FHIT: variants seen among roughly 807,000 people sequenced by gnomAD.
FHIT encodes fragile histidine triad diadenosine triphosphatase.
In FHIT, 19 loss-of-function variants were observed where a neutral mutation model predicts 17.9. The ratio of observed to expected loss-of-function variants is 1.06; its 90% CI spans 0.74 to 1.56. FHIT has a LOEUF of 1.56. Ranked by LOEUF, FHIT falls within the 40% of genes most tolerant of loss-of-function variation. The pLI is 0.00. For synonymous variants in FHIT, 81 were observed against 69.7 expected, an observed-to-expected ratio of 1.16 and a Z score of -0.81; for missense variants, 248 against 189.2, an observed-to-expected ratio of 1.31 and a Z score of -1.82.
At chr3:60,311,183 C>T (rs1281866898) in intron 5 of FHIT, among the ~76,000 whole-genome samples, 1 of 151,984 alleles carries the variant, frequency 6.6e-6, no homozygotes, top group Non-Finnish European at 1.5e-5. Context: ...TAACCTCAAA[C>T]ATTACTTTGT....
chr3:60,642,611 T>A (rs1253928595), intron 4 of FHIT, among the ~76,000 whole-genome samples: 1 of 152,190 alleles, frequency 6.6e-6, no homozygotes, highest in Admixed American at 6.5e-5. Flanking sequence ...AGAAATGTGG[T>A]TGCATTTTCC....
chr3:59,908,853 T>TTTTTTTTTTTTTTTTTTTG (rs1271629999), intron 8 of FHIT, among the ~76,000 whole-genome samples: 188 of 150,724 alleles, frequency 1.2e-3, no homozygotes, highest in Non-Finnish European at 1.5e-3. Flanking sequence ...CATTTTTTAA[T>TTTTTTTTTTTTTTTTTTTG]AGTCCAACTG....
intron 5 of FHIT, among the ~76,000 whole-genome samples, chr3:60,062,043 G>A (rs1240890698): frequency 6.6e-6 from 1 of 152,186 alleles, no homozygotes; most frequent in Non-Finnish European, 1.5e-5. Flanking sequence ...GGCAGCTGGG[G>A]AAGAAATGAA....
chr3:60,321,105 C>G (rs988678504), intron 5 of FHIT, among the ~76,000 whole-genome samples: 1 of 152,140 alleles, frequency 6.6e-6, no homozygotes, highest in Non-Finnish European at 1.5e-5. Context: ...TCAGGGACTC[C>G]CCAACTCTAA....
At chr3:60,072,884 G>T (rs144336403) in intron 5 of FHIT, among the ~76,000 whole-genome samples, 2 of 152,110 alleles carry the variant, frequency 1.3e-5, no homozygotes, top group African/African-American at 2.4e-5. Flanking sequence ...TGTTTGAAGG[G>T]AGAGATTCAA....
At chr3:61,018,576 T>A (rs554645694) in intron 3 of FHIT, among the ~76,000 whole-genome samples, 1 of 152,190 alleles carries the variant, frequency 6.6e-6, no homozygotes, top group Non-Finnish European at 1.5e-5. Flanking sequence ...AGTAACAGCC[T>A]GTGCAGAACA....
intron 5 of FHIT, among the ~76,000 whole-genome samples, chr3:60,314,188 C>A (rs1709068452): frequency 6.6e-6 from 1 of 152,098 alleles, no homozygotes; most frequent in Non-Finnish European, 1.5e-5. Flanking sequence ...TAATACAGAT[C>A]TTTACAAAGA....
chr3:60,533,484 C>A (rs969466576), intron 5 of FHIT, among the ~76,000 whole-genome samples: 1 of 152,200 alleles, frequency 6.6e-6, no homozygotes, highest in African/African-American at 2.4e-5. Context: ...ATGAGGCAGA[C>A]TGGGCTGTGT....
At chr3:59,875,827 T>C (rs1031991681) in intron 8 of FHIT, among the ~76,000 whole-genome samples, 1 of 152,132 alleles carries the variant, frequency 6.6e-6, no homozygotes, top group Non-Finnish European at 1.5e-5. Context: ...CATATTCATA[T>C]GGATTCATAT....
At chr3:60,055,835 C>T (rs991871878) in intron 5 of FHIT, among the ~76,000 whole-genome samples, 3 of 152,128 alleles carry the variant, frequency 2.0e-5, no homozygotes, top group African/African-American at 7.2e-5. Context: ...ACACTCACTC[C>T]CCACTCCCAC....
chr3:60,879,920 C>T (rs1016781475), intron 3 of FHIT, among the ~76,000 whole-genome samples: 13 of 151,072 alleles, frequency 8.6e-5, no homozygotes, highest in African/African-American at 2.9e-4. Context: ...AACAAATTTT[C>T]ATATTATGGC....
At chr3:60,013,225 G>T (rs1298649931) in intron 6 of FHIT, among the ~76,000 whole-genome samples, 1 of 152,234 alleles carries the variant, frequency 6.6e-6, no homozygotes, top group Non-Finnish European at 1.5e-5. Context: ...AGGGGAGGAA[G>T]AATGGCAAAC....
chr3:60,000,942 C>T (rs1051791713), intron 7 of FHIT, among the ~76,000 whole-genome samples: 7 of 152,166 alleles, frequency 4.6e-5, no homozygotes, highest in African/African-American at 1.7e-4. Context: ...ATTCCCACTG[C>T]CATTTCCTCT....
intron 5 of FHIT, among the ~76,000 whole-genome samples, chr3:60,397,004 A>C (rs892486423): frequency 7.2e-5 from 11 of 152,174 alleles, no homozygotes; most frequent in Admixed American, 3.3e-4. Context: ...TTCATTGTCC[A>C]CAAAATCACA....
At chr3:60,541,688 C>T (rs2036191422) in intron 4 of FHIT, among the ~76,000 whole-genome samples, 1 of 152,166 alleles carries the variant, frequency 6.6e-6, no homozygotes, top group Non-Finnish European at 1.5e-5. Context: ...AGACTATGAA[C>T]CTGAAACAGC....
intron 4 of FHIT, among the ~76,000 whole-genome samples, chr3:60,660,133 GA>G (rs777083443): frequency 1.3e-5 from 2 of 151,612 alleles, no homozygotes; most frequent in East Asian, 1.9e-4. Context: ...AAGGGGAAAA[GA>G]AAAAAAATGA....
intron 2 of FHIT, among the ~76,000 whole-genome samples, chr3:61,168,090 A>G (rs2037894525): frequency 6.6e-6 from 1 of 152,254 alleles, no homozygotes; most frequent in African/African-American, 2.4e-5. Flanking sequence ...TTACATTTTA[A>G]AAGCACTGAA....
chr3:60,592,545 C>G (rs1194338794), intron 4 of FHIT, among the ~76,000 whole-genome samples: 2 of 152,072 alleles, frequency 1.3e-5, no homozygotes, highest in Non-Finnish European at 2.9e-5. Flanking sequence ...TGTGATGGTT[C>G]TTATTCTCCT....
intron 4 of FHIT, among the ~76,000 whole-genome samples, chr3:60,773,930 C>A (rs1440999570): frequency 6.6e-6 from 1 of 152,196 alleles, no homozygotes; most frequent in Non-Finnish European, 1.5e-5. Flanking sequence ...TGTTTCTCAA[C>A]TCATTTCTTC....
Sources: allele counts gnomAD v4.1 joint callset (sites outside exome capture counted in the v4.1 genomes callset), GRCh38; gene constraint gnomAD v4.1.1; transcripts MANE v1.5; gene names NCBI Gene and HGNC (gene_info 2026-07-23, HGNC 2026-07-21).